Variants in MISFA observed in about 807,000 individuals in gnomAD.
MISFA encodes the protein mitochondrial sheath formation associated, also known as mitochondrial sheath formation-associated protein.
the MISFA span, chr11:18,607,227 CAT>C: frequency 2.6e-5 from 4 of 154,984 alleles, no homozygotes; most frequent in African/African-American, 4.8e-5. Flanking sequence ...CCGCCTGTGA[CAT>C]GTGGTACCCT....
the MISFA span, chr11:18,609,568 T>C: frequency 3.1e-6 from 1 of 320,418 alleles, no homozygotes; most frequent in Admixed American, 4.5e-5. Flanking sequence ...GGCTGACTGG[T>C]GAGTGGCCCC....
At chr11:18,601,771 G>C in the MISFA span, 6 of 373,676 alleles carry the variant, frequency 1.6e-5, no homozygotes, top group Non-Finnish European at 2.8e-5. Context: ...CATTGAACTT[G>C]GGTTTAGGTC....
At chr11:18,609,049 CTAA>C in the MISFA span, 1 of 152,236 alleles carries the variant, frequency 6.6e-6, no homozygotes. Context: ...TCTTTCAAAT[CTAA>C]TGTTTGAATA....
At chr11:18,602,334 G>T in the MISFA span, 1 of 152,588 alleles carries the variant, frequency 6.6e-6, no homozygotes, top group Non-Finnish European at 1.5e-5. Context: ...GGGGTGTTTA[G>T]CCCCAGCCCC....
chr11:18,606,578 T>A, the MISFA span: 3 of 293,160 alleles, frequency 1.0e-5, no homozygotes, highest in Non-Finnish European at 2.0e-5. Context: ...ATGGATTTAA[T>A]TACTCCAAAG....
the MISFA span, chr11:18,606,291 T>TATC: frequency 6.1e-6 from 1 of 163,318 alleles, no homozygotes; most frequent in African/African-American, 2.4e-5. Flanking sequence ...AGGCAAACCA[T>TATC]ATCTCTGAAG....
chr11:18,601,203 T>C, the MISFA span: 3 of 398,436 alleles, frequency 7.5e-6, no homozygotes, highest in African/African-American at 6.2e-5. Flanking sequence ...TCAGGTCTGG[T>C]GGGTTGGATT....
At chr11:18,602,753 G>A in the MISFA span, 10 of 186,206 alleles carry the variant, frequency 5.4e-5, no homozygotes, top group African/African-American at 2.3e-4. Context: ...ATTTTGGCAG[G>A]TGACGAGTTA....
At chr11:18,607,630 TAA>T in the MISFA span, 1 of 152,516 alleles carries the variant, frequency 6.6e-6, no homozygotes, top group African/African-American at 2.4e-5. Context: ...GAGCTTTTTA[TAA>T]GAGTGGTCAG....
chr11:18,601,674 T>C, the MISFA span: 1 of 396,002 alleles, frequency 2.5e-6, no homozygotes, highest in Non-Finnish European at 4.4e-6. Context: ...CCTCCCAGAG[T>C]GCTGGGATTG....
the MISFA span, chr11:18,602,949 A>G: frequency 0.061 from 24,098 of 393,228 alleles, 845 homozygotes; most frequent in Middle Eastern, 0.095. Flanking sequence ...GCCCCCCTAA[A>G]TGGCCATGAG....
chr11:18,606,384 A>G, the MISFA span: 4,546 of 179,750 alleles, frequency 0.025, 83 homozygotes, highest in Middle Eastern at 0.038. Context: ...TAATCAATAA[A>G]TGCAAACCAG....
the MISFA span, among the ~76,000 whole-genome samples, chr11:18,605,467 T>C: frequency 1.1e-4 from 16 of 152,300 alleles, no homozygotes; most frequent in East Asian, 3.1e-3. Flanking sequence ...AGAAAACATT[T>C]TGTTATTTGG....
chr11:18,602,861 C>T, the MISFA span: 5 of 346,136 alleles, frequency 1.4e-5, no homozygotes, highest in African/African-American at 1.1e-4. Flanking sequence ...GCACCCTGGC[C>T]AACCATCCCA....
the MISFA span, chr11:18,607,042 G>A: frequency 8.0e-6 from 2 of 249,682 alleles, no homozygotes; most frequent in Non-Finnish European, 1.5e-5. Flanking sequence ...TTTATTTTTA[G>A]TAGAGACGGG....
chr11:18,599,871 C>A, the MISFA span: 2 of 398,602 alleles, frequency 5.0e-6, no homozygotes, highest in Middle Eastern at 6.2e-4. Flanking sequence ...TTGCCAAGAT[C>A]TTGGTGAATA....
At chr11:18,606,868 C>T in the MISFA span, 2 of 325,816 alleles carry the variant, frequency 6.1e-6, no homozygotes, top group South Asian at 4.8e-5. Context: ...TTCCCACATT[C>T]TTTTTTTTTT....
the MISFA span, chr11:18,603,020 C>A: frequency 3.3e-5 from 13 of 397,160 alleles, 1 homozygote; most frequent in Non-Finnish European, 5.8e-5. Context: ...CATGCTGGGC[C>A]ATCCACCATC....
chr11:18,609,351 C>G, the MISFA span: 2 of 153,426 alleles, frequency 1.3e-5, no homozygotes, highest in African/African-American at 2.4e-5. Flanking sequence ...ATAAATTCTA[C>G]TCTACATTTT....
Sources: allele counts gnomAD v4.1 joint callset (sites outside exome capture counted in the v4.1 genomes callset), GRCh38; gene constraint gnomAD v4.1.1; transcripts MANE v1.5; gene names NCBI Gene and HGNC (gene_info 2026-07-23, HGNC 2026-07-21).